The following CLEC3A variants were observed in gnomAD, a reference collection of about 807,000 sequenced individuals.
CLEC3A encodes C-type (calcium dependent, carbohydrate-recognition domain) lectin, superfamily member 1 (cartilage-derived).
In CLEC3A, 28 loss-of-function variants were observed where a neutral mutation model predicts 20.4. The observed-to-expected ratio is 1.37, with a 90% confidence interval of 1.02 to 1.88. The LOEUF is 1.88. Ranked by LOEUF, CLEC3A falls within the 40% of genes most tolerant of loss-of-function variation. The pLI, the probability that CLEC3A is intolerant of heterozygous loss-of-function variation, is 0.00. For synonymous variants in CLEC3A, 110 were observed against 88.1 expected (o/e 1.25, Z -1.39); for missense variants, 357 against 240.4 (o/e 1.48, Z -3.21).
chr16:78,025,777 A>G (rs186256946), intron 1 of CLEC3A, among the ~76,000 whole-genome samples: 5 of 152,194 alleles, frequency 3.3e-5, no homozygotes, highest in African/African-American at 1.2e-4. Flanking sequence ...TGTTTGTTGT[A>G]CATAAAAGAC....
rs76514387 is a variant in CLEC3A at position 78,028,141 on chromosome 16, G to A, written c.150G>A (p.Lys50=). 3.7e-6 allele frequency: 6 copies of A among 1,611,768 alleles called. No homozygotes were observed. The highest frequency in any genetic ancestry group is 5.1e-6 in the Non-Finnish European group (6 of 1,179,546). The change falls in exon 2 of 3, where the codon AAG becomes AAA. Residue 50 remains lysine (K), a synonymous_variant. Transcript: ENST00000299642. ...KDGDLKTQIE[K]LWTEVNALKE... ...GAGATCTGAAGACTCAAATTGAAAA[G>A]CTCTGGACAGAAGTCAATGCCTTGA...
In CLEC3A at chr16:78,031,440, T is replaced by A. The variant is rs926454319; in HGVS notation, c.*599T>A. On this transcript the variant is annotated 3_prime_UTR_variant, in exon 3 of 3. Coordinates refer to ENST00000299642, the MANE Select transcript of CLEC3A (RefSeq NM_005752.6). The stretch of plus-strand genomic sequence containing the variant: ...TGAAGAGGTTCTGATTTGATTTTTT[T>A]TTTTTCTTCATGCCTACCCTTTTTT... 1.2e-4 allele frequency: 18 copies of A among 152,276 alleles called. No individual in the cohort carries two copies. Among genetic ancestry groups the A allele is most frequent in the African/African-American group, 4.3e-4 (18 of 41,560 alleles). 9.4% of individuals were successfully genotyped at this position (152,276 alleles called of 1,614,324 possible). A position where few individuals can be genotyped will look rare whatever the true frequency, so the allele number is the denominator to read the frequency against.
At chr16:78,024,141 T>A (rs2018783734) in intron 1 of CLEC3A, among the ~76,000 whole-genome samples, 1 of 152,058 alleles carries the variant, frequency 6.6e-6, no homozygotes, top group Non-Finnish European at 1.5e-5. Context: ...TTCTCATGAG[T>A]AGATGAAACA....
intron 1 of CLEC3A, among the ~76,000 whole-genome samples, chr16:78,026,532 G>A (rs1264874527): frequency 6.6e-6 from 1 of 152,138 alleles, no homozygotes; most frequent in East Asian, 1.9e-4. Flanking sequence ...TTACTAGCTG[G>A]GTGACCTTCA....
intron 2 of CLEC3A, 98 bp from the exon 3 acceptor site, chr16:78,030,349 C>A: frequency 9.2e-7 from 1 of 1,085,024 alleles, no homozygotes; most frequent in Non-Finnish European, 1.3e-6. Context: ...CATTATCATA[C>A]TTCATTCCAC....
Position 78,030,978 on chromosome 16 carries a change from C to T in CLEC3A, c.*137C>T, listed in dbSNP as rs986936453. 2.4e-5 allele frequency: 23 copies of T among 965,904 alleles called. No homozygotes were observed. Among genetic ancestry groups the T allele is most frequent in the South Asian group, 5.6e-5 (3 of 53,446 alleles). 59.8% of individuals were successfully genotyped at this position (965,904 alleles called of 1,614,324 possible). A position where few individuals can be genotyped will look rare whatever the true frequency, so the allele number is the denominator to read the frequency against. ...ATCAATGTCCATAGCAATATGATAG[C>T]ATCAGCCAATTTTGCTAACACATTT... On this transcript the variant is annotated 3_prime_UTR_variant, in exon 3 of 3. Transcript: ENST00000299642.
chr16:78,023,625 T>C (rs1189456340), intron 1 of CLEC3A, among the ~76,000 whole-genome samples: 1 of 152,118 alleles, frequency 6.6e-6, no homozygotes, highest in Non-Finnish European at 1.5e-5. Context: ...ATACACAAAT[T>C]TCAGCAAGGT....
intron 1 of CLEC3A, among the ~76,000 whole-genome samples, chr16:78,025,852 T>G (rs1420472107): frequency 6.6e-6 from 1 of 152,174 alleles, no homozygotes; most frequent in Non-Finnish European, 1.5e-5. Context: ...TTCATAACCA[T>G]CTCCCAGGAG....
chr16:78,026,910 G>T (rs1410795752), intron 1 of CLEC3A, among the ~76,000 whole-genome samples: 1 of 152,148 alleles, frequency 6.6e-6, no homozygotes, highest in Admixed American at 6.5e-5. Flanking sequence ...ACTTAACCCT[G>T]CTAGTAGCCA....
rs1207616211 is a variant in CLEC3A, at chr16:78,031,867, T to G, written c.*1026T>G. On this transcript the variant is annotated 3_prime_UTR_variant, in exon 3 of 3. Transcript: ENST00000299642. ...TGCTATTCTGCTTGTTTAACTAGAT[T>G]GTACAAAATAACTTCATTGCTTAAT... The G allele has an allele frequency of 5.9e-5, 9 of 152,316 alleles. No homozygotes were observed. The highest frequency in any genetic ancestry group is 1.2e-4 in the Non-Finnish European group (8 of 68,040). The allele number at this position is 152,316 out of a possible 1,614,324, so 9.4% of individuals were successfully genotyped here.
At chr16:78,022,879 G>A in intron 1 of CLEC3A, 138 bp downstream of exon 1, 2 of 801,210 alleles carry the variant, frequency 2.5e-6, no homozygotes, top group Non-Finnish European at 1.9e-6. Flanking sequence ...TGGCATTTCA[G>A]GGGATTAAGT....
At chr16:78,029,162 C>T (rs1212420006) in intron 2 of CLEC3A, 2 of 455,568 alleles carry the variant, frequency 4.4e-6, no homozygotes, top group East Asian at 1.4e-4. Context: ...GTAATTTGTT[C>T]AAGAGATACA....
At chr16:78,028,749 A>G (rs2029998928) in intron 2 of CLEC3A, among the ~76,000 whole-genome samples, 1 of 152,246 alleles carries the variant, frequency 6.6e-6, no homozygotes, top group South Asian at 2.1e-4. Flanking sequence ...CAAGGAGCTA[A>G]TATCCTTTGT....
At chr16:78,025,502 T>C (rs1483234683) in intron 1 of CLEC3A, among the ~76,000 whole-genome samples, 1 of 152,230 alleles carries the variant, frequency 6.6e-6, no homozygotes, top group Non-Finnish European at 1.5e-5. Context: ...CCCATTCCTA[T>C]GTATTTTGAC....
rs2029985304 is a variant in CLEC3A at position 78,028,289 on chromosome 16, T to C, written c.199+99T>C. 3.6e-6 allele frequency: 3 copies of C among 835,050 alleles called. No individual in the cohort carries two copies. In the South Asian group the frequency reaches 5.8e-5, roughly 16 times the overall value. 51.7% of individuals were successfully genotyped at this position (835,050 alleles called of 1,614,324 possible). ...TCTTTTTAAAAGAAACATTGACAAA[T>C]CAATAATGTGGCCAATAAGAGGGCC... On this transcript the variant is annotated intron_variant, in intron 2 of 2. Transcript: ENST00000299642.
At chr16:78,024,427 A>G (rs2018786764) in intron 1 of CLEC3A, among the ~76,000 whole-genome samples, 1 of 151,450 alleles carries the variant, frequency 6.6e-6, no homozygotes, top group Non-Finnish European at 1.5e-5. Context: ...CTCTCTCCCT[A>G]CCTTCTTTCC....
intron 2 of CLEC3A, among the ~76,000 whole-genome samples, chr16:78,030,129 G>T (rs1044138413): frequency 7.0e-5 from 10 of 141,884 alleles, no homozygotes; most frequent in South Asian, 2.3e-4. Context: ...CTCCAGCCTG[G>T]GCGACAGAGC....
At chr16:78,024,058 G>C (rs2018782988) in intron 1 of CLEC3A, among the ~76,000 whole-genome samples, 1 of 152,170 alleles carries the variant, frequency 6.6e-6, no homozygotes, top group South Asian at 2.1e-4. Flanking sequence ...CGCCCGGCTA[G>C]TGCAAGGTTT....
chr16:78,030,452 C>A lies in CLEC3A; in HGVS notation c.205C>A (p.Leu69Ile), dbSNP rs774648654. ...KEIQALQTVCLRGTKVHKKCY... is the reference protein window; with the variant it reads ...KEIQALQTVCIRGTKVHKKCY... ...TACACTTCACATCTTCACAGTCTGT[C>A]TCCGAGGCACTAAAGTTCACAAGAA... The change falls in exon 3 of 3, where the codon CTC (leucine) becomes ATC (isoleucine). Residue 69 changes from leucine (L) to isoleucine (I), a missense_variant. By Grantham distance (5) the Leu-to-Ile change is conservative. Transcript: ENST00000299642. The A allele has an allele frequency of 6.2e-7, 1 of 1,602,274 alleles. No homozygotes were observed. Among genetic ancestry groups the A allele is most frequent in the Non-Finnish European group, 8.5e-7 (1 of 1,173,096 alleles).
Sources: gnomAD v4.1 joint callset for allele counts (sites outside exome capture counted in the v4.1 genomes callset) on GRCh38, gnomAD v4.1.1 for gene constraint, MANE v1.5 for transcripts, NCBI Gene and HGNC (gene_info 2026-07-23, HGNC 2026-07-21) for gene names.